Variants in ZNF610 observed in about 807,000 individuals in gnomAD.
The protein encoded by ZNF610 is zinc finger protein 610.
In ZNF610, 14 loss-of-function variants were observed where a neutral mutation model predicts 14.1. The ratio of observed to expected loss-of-function variants is 0.99; its 90% CI spans 0.65 to 1.55. The LOEUF is 1.55. Among genes scored for constraint, ZNF610 ranks in the 40% most tolerant of loss-of-function variants. The pLI, the probability that ZNF610 is intolerant of heterozygous loss-of-function variation, is 0.00. For missense variants in ZNF610, 530 were observed against 558.0 expected (o/e 0.95, Z 0.51); for synonymous variants, 185 against 187.6 (o/e 0.99, Z 0.11).
chr19:52,339,115 G>A (rs1005600047), intron 1 of ZNF610, among the ~76,000 whole-genome samples: 2 of 152,060 alleles, frequency 1.3e-5, no homozygotes, highest in Non-Finnish European at 2.9e-5. Flanking sequence ...TCTTGGTGCA[G>A]TAAAGAGCAG....
intron 3 of ZNF610, among the ~76,000 whole-genome samples, chr19:52,349,790 C>T (rs1479295496): frequency 1.3e-5 from 2 of 152,038 alleles, no homozygotes; most frequent in African/African-American, 2.4e-5. Flanking sequence ...AGGCTGGTCT[C>T]GAACCCCTGA....
intron 5 of ZNF610, among the ~76,000 whole-genome samples, chr19:52,364,042 G>A (rs1985910373): frequency 1.3e-5 from 2 of 152,044 alleles, no homozygotes; most frequent in African/African-American, 4.8e-5. Flanking sequence ...GGTTAAGATT[G>A]AAGTTACATA....
intron 3 of ZNF610, among the ~76,000 whole-genome samples, chr19:52,352,086 T>C (rs1013496157): frequency 6.6e-6 from 1 of 152,248 alleles, no homozygotes; most frequent in African/African-American, 2.4e-5. Flanking sequence ...TTGCTGACAT[T>C]ACTCTTTTAG....
chr19:52,353,710 TC>T lies in ZNF610; in HGVS notation c.93del (p.Ile31MetfsTer22). 1 of 1,613,964 alleles carries T rather than the reference TC, an allele frequency of 6.2e-7. No homozygotes were observed. The highest frequency in any genetic ancestry group is 8.5e-7 in the Non-Finnish European group (1 of 1,179,922). On this transcript the variant is annotated frameshift_variant, in exon 4 of 6. Coordinates refer to ENST00000403906, the MANE Select transcript of ZNF610 (RefSeq NM_001161425.2). LOFTEE classifies it high-confidence loss of function. ...QGRLTFMDVA[I>X]EFSQEEWKSL... The stretch of plus-strand genomic sequence containing the variant: ...CGCTTGACATTCATGGACGTGGCCA[TC>T]GAATTCTCTCAGGAGGAGTGGAAAT...
At chr19:52,352,527 C>T (rs1468871312) in intron 3 of ZNF610, among the ~76,000 whole-genome samples, 4 of 151,944 alleles carry the variant, frequency 2.6e-5, no homozygotes, top group East Asian at 3.9e-4. Context: ...TGTGAGTCAC[C>T]GCACCGGGCC....
In ZNF610 at chr19:52,366,106, G is replaced by T; in HGVS notation, c.728G>T (p.Arg243Leu). ...ACTGAATGTGGCAAGGTCTTCAGTC[G>T]CAATTCACACCTTGTAGAACATTGG... is the stretch of plus-strand genomic sequence containing the variant. ...KCTECGKVFS[R>L]NSHLVEHWRI... is the part of the protein sequence containing the mutation. Residue 243 changes from arginine to leucine, a missense_variant, in exon 6 of 6, where the codon CGC becomes CTC. Transcript: ENST00000403906. The T allele has an allele frequency of 6.2e-7, 1 of 1,611,942 alleles. No individual in the cohort carries two copies. The highest frequency in any genetic ancestry group is 8.5e-7 in the Non-Finnish European group (1 of 1,179,414).
chr19:52,332,340 T>A (rs1984234399), upstream of ZNF610, among the ~76,000 whole-genome samples: 2 of 152,338 alleles, frequency 1.3e-5, no homozygotes, highest in South Asian at 4.1e-4. The surrounding 1 kb of genome is among the most constrained non-coding windows in gnomAD (Gnocchi z 4.1). Flanking sequence ...GCACTCTTGA[T>A]GTGGAAAACT....
chr19:52,344,665 G>A (rs1984849582), intron 1 of ZNF610, among the ~76,000 whole-genome samples: 1 of 152,208 alleles, frequency 6.6e-6, no homozygotes, highest in South Asian at 2.1e-4. Flanking sequence ...TTTGATTTCT[G>A]TGGTTCCAGA....
At chr19:52,352,514 A>C (rs1182743287) in intron 3 of ZNF610, among the ~76,000 whole-genome samples, 1 of 152,184 alleles carries the variant, frequency 6.6e-6, no homozygotes, top group African/African-American at 2.4e-5. Context: ...CTGTGATTAC[A>C]TGTGTGAGTC....
At chr19:52,342,520 C>CT (rs761381882) in intron 1 of ZNF610, among the ~76,000 whole-genome samples, 1,754 of 138,648 alleles carry the variant, frequency 0.013, 14 homozygotes, top group East Asian at 0.028. Flanking sequence ...ATCTGTTTAA[C>CT]TTTTTTTTTT....
chr19:52,339,456 T>C (rs966156717), intron 1 of ZNF610, among the ~76,000 whole-genome samples: 22 of 146,388 alleles, frequency 1.5e-4, no homozygotes, highest in African/African-American at 5.0e-4. Flanking sequence ...ATTGTGTCCC[T>C]GGGTACTCGA....
intron 5 of ZNF610, among the ~76,000 whole-genome samples, chr19:52,357,076 C>T (rs1251726933): frequency 6.6e-6 from 1 of 152,164 alleles, no homozygotes; most frequent in Admixed American, 6.5e-5. Context: ...GGTCATAAGT[C>T]CAGGCCTCTG....
In ZNF610 at chr19:52,366,018, A is replaced by G; in HGVS notation, c.640A>G (p.Arg214Gly). 1.2e-6 allele frequency: 2 copies of G among 1,614,174 alleles called. No homozygotes were observed. Among genetic ancestry groups the G allele is most frequent in the Non-Finnish European group, 1.7e-6 (2 of 1,180,034 alleles). Residue 214 changes from arginine to glycine, a missense_variant, in exon 6 of 6, where the codon AGA (arginine) becomes GGA (glycine). By Grantham distance (125) the Arg-to-Gly change is moderately radical. Transcript: ENST00000403906. Reference protein sequence around the residue: ...YECSEDGEVFRVRASLTNHQV... With the variant: ...YECSEDGEVFGVRASLTNHQV... ...ATGTAGTGAAGATGGTGAAGTTTTT[A>G]GAGTCCGTGCAAGCCTTACTAACCA...
chr19:52,349,356 A>G, intron 3 of ZNF610, 121 bp downstream of exon 3: 2 of 1,370,682 alleles, frequency 1.5e-6, no homozygotes, highest in Non-Finnish European at 2.1e-6. Context: ...CATCTCGCTT[A>G]GATTCTATCT....
chr19:52,339,261 T>A (rs1449049084), intron 1 of ZNF610, among the ~76,000 whole-genome samples: 2 of 151,788 alleles, frequency 1.3e-5, no homozygotes, highest in Non-Finnish European at 2.9e-5. Context: ...CTTCCTCTTA[T>A]CTTAACTGCA....
At chr19:52,333,816 G>A (rs1984261024), upstream of ZNF610, among the ~76,000 whole-genome samples, 1 of 152,224 alleles carries the variant, frequency 6.6e-6, no homozygotes. Context: ...GTATGTAAGT[G>A]TAGTGAAAAA....
intron 1 of ZNF610, among the ~76,000 whole-genome samples, chr19:52,339,482 A>G (rs1984564532): frequency 6.6e-6 from 1 of 152,058 alleles, no homozygotes; most frequent in South Asian, 2.1e-4. Flanking sequence ...GAGAATGGCG[A>G]TGACTTTTAC....
At chr19:52,352,877 G>A (rs1985326038) in intron 3 of ZNF610, among the ~76,000 whole-genome samples, 1 of 152,010 alleles carries the variant, frequency 6.6e-6, no homozygotes, top group Non-Finnish European at 1.5e-5. Flanking sequence ...CTTGGCCTGA[G>A]TATTAATTAT....
chr19:52,354,785 G>A (rs112592826), intron 5 of ZNF610, among the ~76,000 whole-genome samples: 12 of 151,540 alleles, frequency 7.9e-5, no homozygotes, highest in African/African-American at 2.9e-4. Flanking sequence ...CACCATGTTG[G>A]ACAGGTGGGT....
Sources: allele counts gnomAD v4.1 joint callset (sites outside exome capture counted in the v4.1 genomes callset), GRCh38; gene constraint gnomAD v4.1.1; non-coding constraint Gnocchi (gnomAD v3.1); transcripts MANE v1.5; gene names NCBI Gene and HGNC (gene_info 2026-07-23, HGNC 2026-07-21).